The following TAF4B variants were observed in gnomAD, a reference collection of about 807,000 sequenced individuals.
TAF4B encodes the protein TATA-box binding protein associated factor 4b, also known as transcription initiation factor TFIID subunit 4B.
TAF4B carries 38 observed loss-of-function variants against 86.4 expected under a neutral mutation model. That is an observed-to-expected ratio of 0.44 (90% CI 0.34 to 0.58). The LOEUF is 0.58. Ranked by LOEUF, TAF4B falls within the 20% of genes least tolerant of loss-of-function variation. TAF4B has a pLI of 0.02. For missense variants in TAF4B, 988 were observed against 1,027.6 expected (o/e 0.96, Z 0.53); for synonymous variants, 388 against 391.2 (o/e 0.99, Z 0.10).
chr18:26,321,056 C>T lies in TAF4B; in HGVS notation c.2003-14C>T. The T allele has an allele frequency of 6.2e-7, 1 of 1,613,416 alleles. No homozygotes were observed. The highest frequency in any genetic ancestry group is 8.5e-7 in the Non-Finnish European group (1 of 1,179,548). ...ACTACTAAAACACGTAATGGATTTTCTCTGCTTCTGCAGGTAAAAAGCATG... is the reference window on the plus strand; with the variant it reads ...ACTACTAAAACACGTAATGGATTTTTTCTGCTTCTGCAGGTAAAAAGCATG... On this transcript the variant is annotated splice_polypyrimidine_tract_variant and intron_variant, in intron 10 of 14. Coordinates refer to ENST00000269142, the MANE Select transcript of TAF4B (RefSeq NM_005640.3).
chr18:26,387,893 C>A (rs1362745916), intron 14 of TAF4B, among the ~76,000 whole-genome samples: 1 of 152,164 alleles, frequency 6.6e-6, no homozygotes, highest in Non-Finnish European at 1.5e-5. Context: ...ATAAAGTACC[C>A]CTAAGTCATG....
chr18:26,231,983 C>T (rs2055678001), intron 1 of TAF4B, among the ~76,000 whole-genome samples: 1 of 152,162 alleles, frequency 6.6e-6, no homozygotes, highest in African/African-American at 2.4e-5. Context: ...TTTTAGGATC[C>T]TGCTGATTGG....
At chr18:26,345,081 T>C (rs546988943) in intron 13 of TAF4B, among the ~76,000 whole-genome samples, 1 of 152,306 alleles carries the variant, frequency 6.6e-6, no homozygotes, top group East Asian at 1.9e-4. Context: ...TTCACACAGC[T>C]GCATTGCCCT....
chr18:26,386,131 G>A (rs532315330), intron 14 of TAF4B, among the ~76,000 whole-genome samples: 10 of 152,184 alleles, frequency 6.6e-5, no homozygotes, highest in Admixed American at 6.5e-4. Context: ...ATGTCCCTTG[G>A]GGTTTTTTTC....
chr18:26,274,250 G>GA (rs2056355654), intron 3 of TAF4B, among the ~76,000 whole-genome samples: 1 of 152,114 alleles, frequency 6.6e-6, no homozygotes, highest in African/African-American at 2.4e-5. Context: ...TTGTTCTTAA[G>GA]AAAAAGCAGA....
chr18:26,296,397 A>AAG (rs2056662255), intron 9 of TAF4B, among the ~76,000 whole-genome samples: 1 of 149,782 alleles, frequency 6.7e-6, no homozygotes, highest in Non-Finnish European at 1.5e-5. Flanking sequence ...ATTTAGTCTT[A>AAG]TGCCCACCAC....
intron 14 of TAF4B, among the ~76,000 whole-genome samples, chr18:26,385,983 AG>A (rs1978344486): frequency 6.6e-6 from 1 of 152,192 alleles, no homozygotes; most frequent in Admixed American, 6.5e-5. Flanking sequence ...ATCAAAGCTC[AG>A]GAATAAAAAT....
chr18:26,344,357 A>ATT (rs199760424), intron 13 of TAF4B, among the ~76,000 whole-genome samples: 9 of 147,706 alleles, frequency 6.1e-5, no homozygotes, highest in African/African-American at 2.2e-4. Context: ...TAGAAAAACT[A>ATT]TTTTTTTTTT....
At chr18:26,366,436 A>T (rs537817233) in intron 14 of TAF4B, 1 of 152,332 alleles carries the variant, frequency 6.6e-6, no homozygotes, top group African/African-American at 2.4e-5. Flanking sequence ...CTCTAAAATG[A>T]AGTGGAATCT....
intron 5 of TAF4B, 61 bp from the exon 6 acceptor site, chr18:26,281,910 A>C: frequency 8.0e-7 from 1 of 1,257,378 alleles, no homozygotes. Flanking sequence ...TGAATTATAT[A>C]CTTTGTCTCT....
intron 12 of TAF4B, among the ~76,000 whole-genome samples, chr18:26,332,504 T>C (rs773961865): frequency 1.6e-4 from 24 of 152,208 alleles, no homozygotes; most frequent in Non-Finnish European, 2.9e-4. Flanking sequence ...ATCTCACCCC[T>C]GTGCTCCAAA....
intron 12 of TAF4B, among the ~76,000 whole-genome samples, chr18:26,334,006 C>CAT (rs1170659339): frequency 1.2e-4 from 18 of 151,728 alleles, no homozygotes; most frequent in Middle Eastern, 3.4e-3. Context: ...TACACACCCA[C>CAT]ATATATATGT....
At chr18:26,371,419 T>C (rs1443740627) in intron 14 of TAF4B, among the ~76,000 whole-genome samples, 1 of 152,222 alleles carries the variant, frequency 6.6e-6, no homozygotes, top group Non-Finnish European at 1.5e-5. Context: ...AGGAGCTCTG[T>C]TGGCTATTTA....
chr18:26,330,443 G>A (rs763688206), intron 12 of TAF4B, among the ~76,000 whole-genome samples: 3 of 151,954 alleles, frequency 2.0e-5, no homozygotes, highest in Admixed American at 6.6e-5. Flanking sequence ...TATACTTTTC[G>A]TGCTCTAGCC....
chr18:26,281,109 AG>A (rs1168969418), intron 5 of TAF4B, among the ~76,000 whole-genome samples: 1 of 152,194 alleles, frequency 6.6e-6, no homozygotes, highest in African/African-American at 2.4e-5. Context: ...TTGGACGTAA[AG>A]ATGGGAACAA....
At chr18:26,238,310 T>G (rs1440608610) in intron 1 of TAF4B, among the ~76,000 whole-genome samples, 1 of 152,174 alleles carries the variant, frequency 6.6e-6, no homozygotes, top group African/African-American at 2.4e-5. Flanking sequence ...AGGGAAGGGA[T>G]CTCCAGGGTT....
chr18:26,256,305 A>G, intron 1 of TAF4B: 1 of 1,453,920 alleles, frequency 6.9e-7, no homozygotes, highest in South Asian at 1.1e-5. Context: ...AGCTCTGCAA[A>G]TACAGCAGCC....
At position 26,335,209 on chromosome 18, in the gene TAF4B, G is replaced by A. The variant is rs774795320; in HGVS notation, c.2294G>A (p.Arg765Lys). 3 of 1,613,482 alleles carry A rather than the reference G, an allele frequency of 1.9e-6. No homozygotes were observed. Among genetic ancestry groups the A allele is most frequent in the South Asian group, 1.1e-5 (1 of 90,980 alleles). ...RSNKEDPEQL[R>K]LKQKAKELQQ... is the part of the protein sequence containing the mutation. ...AATAAAGAAGATCCAGAACAGCTGAGATTAAAGCAGAAAGCCAAAGAGGTA... is the reference window on the plus strand; with the variant it reads ...AATAAAGAAGATCCAGAACAGCTGAAATTAAAGCAGAAAGCCAAAGAGGTA... Residue 765 changes from arginine to lysine, a missense_variant, in exon 13 of 15, where the codon AGA becomes AAA. By Grantham distance (26) the Arg-to-Lys change is conservative. Around this residue, in one of 3 missense-constraint regions of TAF4B, gnomAD observed 216 missense variants for 238.4 expected, o/e 0.91. Coordinates refer to ENST00000269142, the MANE Select transcript of TAF4B (RefSeq NM_005640.3).
intron 8 of TAF4B, among the ~76,000 whole-genome samples, chr18:26,292,893 A>T (rs1276856388): frequency 6.6e-6 from 1 of 152,238 alleles, no homozygotes; most frequent in Non-Finnish European, 1.5e-5. Flanking sequence ...GAATAAAAAA[A>T]GCAACTATTC....
Sources: gnomAD v4.1 joint callset for allele counts (sites outside exome capture counted in the v4.1 genomes callset) on GRCh38, gnomAD v4.1.1 for gene constraint, gnomAD v4.1.1 regional missense constraint, MANE v1.5 for transcripts, NCBI Gene and HGNC (gene_info 2026-07-23, HGNC 2026-07-21) for gene names.